The following SCARA3 variants were observed in gnomAD, a reference collection of about 807,000 sequenced individuals.
SCARA3 encodes the protein cellular stress response gene protein.
A neutral mutation model predicts 47.0 loss-of-function variants in SCARA3; 39 were observed. That is an observed-to-expected ratio of 0.83 (90% confidence interval 0.64 to 1.08). The LOEUF (loss-of-function observed/expected upper bound fraction) is 1.08, where lower values mean the gene tolerates loss of function less well. Among genes scored for constraint, SCARA3 ranks in the 50% least tolerant of loss-of-function variants. SCARA3 has a pLI of 0.00. For missense variants in SCARA3, 724 were observed against 792.3 expected (o/e 0.91, Z 1.04); for synonymous variants, 356 against 334.1 (o/e 1.07, Z -0.71).
Position 27,642,477 on chromosome 8 carries a change from C to G in SCARA3, c.8-7225C>G, listed in dbSNP as rs142421491. On this transcript the variant is annotated intron_variant, in intron 1 of 5. Coordinates refer to ENST00000301904, the MANE Select transcript of SCARA3 (RefSeq NM_016240.3). ...AGAGGAGGGAAGTGGGGTGCCCATG[C>G]GAGACAGGGTAGGATTTGCAGGATC... 1.8e-4 allele frequency among the ~76,000 whole-genome samples: 28 copies of G among 152,254 alleles called. No homozygotes were observed. In the East Asian group the frequency reaches 5.4e-3, roughly 29 times the overall value.
rs1801513840 is a variant in SCARA3, at chr8:27,646,977, C to CA, written c.8-2725_8-2724insA. 1.8e-5 allele frequency among the ~76,000 whole-genome samples: 2 copies of CA among 109,300 alleles called. 1 individual carries two copies. The highest frequency in any genetic ancestry group is 6.9e-5 in the African/African-American group (2 of 28,934). The allele number at this position is 109,300 out of a possible 152,430, so 71.7% of individuals were successfully genotyped here. ...CCGCACCCCTGACCGCCCCCGCCCC[C>CA]CCCCCGCACACACACACTATTGCCC... On this transcript the variant is annotated intron_variant, in intron 1 of 5. Transcript: ENST00000301904.
chr8:27,642,289 G>T (rs1801398607), intron 1 of SCARA3, among the ~76,000 whole-genome samples: 1 of 152,200 alleles, frequency 6.6e-6, no homozygotes, highest in Non-Finnish European at 1.5e-5. Context: ...GCATTAATTG[G>T]AATAGGATAG....
the SCARA3 span, among the ~76,000 whole-genome samples, chr8:27,725,436 A>C: frequency 1.3e-5 from 2 of 149,376 alleles, no homozygotes; most frequent in African/African-American, 4.9e-5. Flanking sequence ...CTTTTCATAC[A>C]CTCTTTTGTG....
chr8:27,685,921 T>C, the SCARA3 span, among the ~76,000 whole-genome samples: 1 of 151,718 alleles, frequency 6.6e-6, no homozygotes, highest in Non-Finnish European at 1.5e-5. Flanking sequence ...AATAAACACA[T>C]GAGGTGGGGG....
At chr8:27,714,351 C>T in the SCARA3 span, among the ~76,000 whole-genome samples, 6 of 151,964 alleles carry the variant, frequency 3.9e-5, no homozygotes, top group African/African-American at 9.7e-5. Flanking sequence ...CCCGCCACCA[C>T]GCCCTGCTAA....
the SCARA3 span, chr8:27,697,460 C>T: frequency 6.5e-6 from 1 of 152,782 alleles, no homozygotes; most frequent in African/African-American, 2.4e-5. Context: ...TTTTGCTTCT[C>T]TAGTACTTCA....
chr8:27,686,460 A>G, the SCARA3 span, among the ~76,000 whole-genome samples: 1 of 152,062 alleles, frequency 6.6e-6, no homozygotes, highest in Non-Finnish European at 1.5e-5. Context: ...AAAAAAATAC[A>G]TACATACATA....
At chr8:27,656,724 G>T in intron 3 of SCARA3, 58 bp from the exon 4 acceptor site, 2 of 1,048,658 alleles carry the variant, frequency 1.9e-6, no homozygotes, top group South Asian at 2.5e-5. Flanking sequence ...CTCAAGGAAT[G>T]ACTGCTGTTT....
chr8:27,701,717 G>T, the SCARA3 span: 4 of 149,884 alleles, frequency 2.7e-5, no homozygotes, highest in African/African-American at 9.9e-5. Flanking sequence ...GTGAGGCAGG[G>T]AGCTGAGCTC....
chr8:27,689,642 A>G, the SCARA3 span, among the ~76,000 whole-genome samples: 2 of 152,040 alleles, frequency 1.3e-5, no homozygotes, highest in African/African-American at 4.8e-5. Context: ...GAAGCTGGGA[A>G]CCGTGTGTTT....
At position 27,658,635 on chromosome 8, in the gene SCARA3, G is replaced by A; in HGVS notation, c.465G>A (p.Gln155=). 6.2e-7 allele frequency: 1 copy of A among 1,614,064 alleles called. No individual in the cohort carries two copies. Among genetic ancestry groups the A allele is most frequent in the Non-Finnish European group, 8.5e-7 (1 of 1,179,988 alleles). Residue 155 remains glutamine (Q), a synonymous_variant, in exon 5 of 6, where the codon CAG becomes CAA. Coordinates refer to ENST00000301904, the MANE Select transcript of SCARA3 (RefSeq NM_016240.3). ...AQEVQLDQTL[Q]AQEVLSTTSR... is the part of the protein sequence containing the mutation. ...AGGTGCAGCTGGACCAGACCTTACA[G>A]GCCCAGGAGGTGCTCTCCACCACCA...
chr8:27,712,647 T>C, the SCARA3 span, among the ~76,000 whole-genome samples: 1 of 152,084 alleles, frequency 6.6e-6, no homozygotes, highest in African/African-American at 2.4e-5. Flanking sequence ...TATTCTTCTG[T>C]CCGGATGTAC....
At chr8:27,717,843 A>T in the SCARA3 span, among the ~76,000 whole-genome samples, 304 of 152,308 alleles carry the variant, frequency 2.0e-3, 5 homozygotes, top group East Asian at 0.052. Context: ...CATGGCTCTT[A>T]CCATGCCCCT....
intron 5 of SCARA3, among the ~76,000 whole-genome samples, chr8:27,668,355 A>C (rs1209136102): frequency 6.6e-6 from 1 of 150,966 alleles, no homozygotes; most frequent in Non-Finnish European, 1.5e-5. Flanking sequence ...CCTGGCTAAC[A>C]AGGTGAAACC....
the SCARA3 span, among the ~76,000 whole-genome samples, chr8:27,694,020 G>A: frequency 9.2e-5 from 14 of 152,180 alleles, no homozygotes; most frequent in Admixed American, 8.5e-4. Flanking sequence ...AGGACCTCCT[G>A]AGGCTATGTC....
intron 3 of SCARA3, 82 bp downstream of exon 3, chr8:27,651,709 A>C: frequency 6.4e-7 from 1 of 1,558,160 alleles, no homozygotes; most frequent in Non-Finnish European, 8.7e-7. Flanking sequence ...CTGCAAAGAC[A>C]AACACTTGAC....
chr8:27,712,904 G>A, the SCARA3 span, among the ~76,000 whole-genome samples: 1 of 152,048 alleles, frequency 6.6e-6, no homozygotes, highest in African/African-American at 2.4e-5. Context: ...AAAGTTCCAA[G>A]TAAAGTACAA....
chr8:27,646,972 G>GCCCCCCCC lies in SCARA3; in HGVS notation c.8-2727_8-2720dup, dbSNP rs757314343. 6.4e-4 allele frequency among the ~76,000 whole-genome samples: 15 copies of GCCCCCCCC among 23,498 alleles called. 1 individual carries two copies. Among genetic ancestry groups the GCCCCCCCC allele is most frequent in the South Asian group, 2.8e-3 (1 of 352 alleles). 15.4% of individuals were successfully genotyped at this position (23,498 alleles called of 152,430 possible). ...CTTGCCCGCACCCCTGACCGCCCCC[G>GCCCCCCCC]CCCCCCCCCCGCACACACACACTAT... On this transcript the variant is annotated intron_variant, in intron 1 of 5. Coordinates refer to ENST00000301904, the MANE Select transcript of SCARA3 (RefSeq NM_016240.3).
the SCARA3 span, among the ~76,000 whole-genome samples, chr8:27,715,185 C>A: frequency 1.3e-5 from 2 of 152,162 alleles, no homozygotes; most frequent in East Asian, 1.9e-4. This position sits in a 1 kb window ranked among gnomAD's most constrained non-coding sequence, Gnocchi z 4.2. Flanking sequence ...CTTGGCCTCC[C>A]AAAGTGTTGG....
Sources: allele counts gnomAD v4.1 joint callset (sites outside exome capture counted in the v4.1 genomes callset), GRCh38; gene constraint gnomAD v4.1.1; non-coding constraint Gnocchi (gnomAD v3.1); transcripts MANE v1.5; gene names NCBI Gene and HGNC (gene_info 2026-07-23, HGNC 2026-07-21).